DLGAP4: variants seen among roughly 807,000 people sequenced by gnomAD.
DLGAP4 encodes the protein DLG associated protein 4, also known as disks large-associated protein 4.
In DLGAP4, 18 loss-of-function variants were observed where a neutral mutation model predicts 86.9. That is an observed-to-expected ratio of 0.21 (90% CI 0.14 to 0.31). The LOEUF is 0.31. Ranked by LOEUF, DLGAP4 falls within the 10% of genes least tolerant of loss-of-function variation. The probability of loss-of-function intolerance (pLI) is 1.00; values close to 1 mark genes in which losing one functional copy is unlikely to be tolerated. For synonymous variants in DLGAP4, 548 were observed against 574.3 expected (o/e 0.95, Z 0.65); for missense variants, 1,085 against 1,362.6 (o/e 0.80, Z 3.21).
At chr20:36,457,667 C>T (rs2033913744) in intron 7 of DLGAP4, among the ~76,000 whole-genome samples, 1 of 151,942 alleles carries the variant, frequency 6.6e-6, no homozygotes, top group Admixed American at 6.6e-5. Flanking sequence ...AGGCATGAGC[C>T]ACCACGCCCG....
rs781640112 is a variant in DLGAP4 at position 36,439,765 on chromosome 20, G to A, written c.1253G>A (p.Arg418His). Reference protein sequence around the residue: ...EQSNPRRSLDRLDSVDMLLPS... With the variant: ...EQSNPRRSLDHLDSVDMLLPS... ...CCACTCCCCACCAGGAGTCTGGACC[G>A]CCTGGATTCAGTGGACATGCTGCTG... Residue 418 changes from arginine to histidine, a missense_variant, in exon 5 of 13, where the codon CGC (arginine) becomes CAC (histidine). Transcript: ENST00000339266. 3.2e-5 allele frequency: 51 copies of A among 1,613,204 alleles called. No individual in the cohort carries two copies. The highest frequency in any genetic ancestry group is 4.1e-5 in the Non-Finnish European group (48 of 1,179,860).
intron 5 of DLGAP4, among the ~76,000 whole-genome samples, chr20:36,440,874 G>A (rs2033427486): frequency 1.3e-5 from 2 of 152,018 alleles, no homozygotes; most frequent in African/African-American, 4.8e-5. Flanking sequence ...GCCACTGTGT[G>A]CAGGCCCAGG....
chr20:36,466,253 G>T (rs1222597830), intron 7 of DLGAP4, among the ~76,000 whole-genome samples: 3 of 152,196 alleles, frequency 2.0e-5, no homozygotes, highest in Non-Finnish European at 4.4e-5. Context: ...TGTGACCTTG[G>T]ATTAGTCAGC....
intron 1 of DLGAP4, among the ~76,000 whole-genome samples, chr20:36,321,403 G>A (rs981767580): frequency 6.6e-6 from 1 of 152,252 alleles, no homozygotes; most frequent in Admixed American, 6.5e-5. Flanking sequence ...AGGGCTGCGG[G>A]GGAGTTTCCA....
At chr20:36,515,714 T>C (rs1313594227) in intron 10 of DLGAP4, among the ~76,000 whole-genome samples, 1 of 152,232 alleles carries the variant, frequency 6.6e-6, no homozygotes, top group Non-Finnish European at 1.5e-5. Context: ...CGTGAGCCAC[T>C]GAGCCCAGCC....
chr20:36,353,096 C>T (rs1392140376), intron 1 of DLGAP4, among the ~76,000 whole-genome samples: 2 of 152,142 alleles, frequency 1.3e-5, no homozygotes, highest in African/African-American at 4.8e-5. Context: ...CATGGAGATG[C>T]TGGGGCAGCC....
Position 36,461,527 on chromosome 20 carries a change from G to GGCCGCC in DLGAP4, c.1648+14603_1648+14608dup, listed in dbSNP as rs746742747. ...GGGAGGAGGGTGAGTGCCCGCCGCT[G>GGCCGCC]GCCGCCGCCGCCGCCGCCAGTCCGT... is the stretch of plus-strand genomic sequence containing the variant. On this transcript the variant is annotated intron_variant, in intron 7 of 12. Transcript: ENST00000339266. 183 of 982,536 alleles carry GGCCGCC rather than the reference G, an allele frequency of 1.9e-4. 2 individuals are homozygous for GGCCGCC. Among genetic ancestry groups the GGCCGCC allele is most frequent in the Admixed American group, 8.8e-4 (14 of 15,844 alleles). The allele number at this position is 982,536 out of a possible 1,614,324, so 60.9% of individuals were successfully genotyped here.
chr20:36,429,405 T>TC (rs1317474528), intron 2 of DLGAP4, among the ~76,000 whole-genome samples: 4 of 139,402 alleles, frequency 2.9e-5, no homozygotes, highest in East Asian at 2.1e-4. Context: ...TTTCTTTTTT[T>TC]TTTTTTTTTT....
chr20:36,497,134 T>A lies in DLGAP4; in HGVS notation c.2010+68T>A, dbSNP rs1023390873. 32 of 1,520,994 alleles carry A rather than the reference T, an allele frequency of 2.1e-5. No individual in the cohort carries two copies. The African/African-American group carries it at 4.4e-4, about 21-fold the overall frequency. The allele number at this position is 1,520,994 out of a possible 1,614,324, so 94.2% of individuals were successfully genotyped here. ...GCACCTGCCTGTGTGTAATTACATCTGGTAGAGGCCCACTAGGTCTCCTGG... is the reference window on the plus strand; with the variant it reads ...GCACCTGCCTGTGTGTAATTACATCAGGTAGAGGCCCACTAGGTCTCCTGG... On this transcript the variant is annotated intron_variant, in intron 8 of 12. Transcript: ENST00000339266.
chr20:36,493,645 C>G (rs556104504), intron 7 of DLGAP4, among the ~76,000 whole-genome samples: 4 of 152,312 alleles, frequency 2.6e-5, no homozygotes, highest in East Asian at 3.9e-4. Context: ...AGTGAAGGCC[C>G]CAAACACCGG....
chr20:36,391,208 C>T (rs1341089739), intron 2 of DLGAP4, among the ~76,000 whole-genome samples: 1 of 152,130 alleles, frequency 6.6e-6, no homozygotes, highest in African/African-American at 2.4e-5. Flanking sequence ...GACCTATAGC[C>T]GTGGGAGATA....
In DLGAP4 at chr20:36,440,281, A is replaced by G. The variant is rs1308148676; in HGVS notation, c.1356+413A>G. Among the ~76,000 whole-genome samples the G allele has an allele frequency of 2.6e-5, 4 of 152,172 alleles. 1 individual carries two copies. The East Asian group carries it at 7.8e-4, about 29-fold the overall frequency. ...TTACCAGAGGAGGGTGAGCATTTCT[A>G]TCTGGGGGCTGTTGAGAGGAATAAG... On this transcript the variant is annotated intron_variant, in intron 5 of 12. Transcript: ENST00000339266.
At chr20:36,463,238 T>C (rs1312123782) in intron 7 of DLGAP4, among the ~76,000 whole-genome samples, 1 of 152,222 alleles carries the variant, frequency 6.6e-6, no homozygotes, top group East Asian at 1.9e-4. Context: ...GTTGTAACCT[T>C]GAGCGAGACC....
chr20:36,513,409 G>T (rs192079933), intron 10 of DLGAP4, among the ~76,000 whole-genome samples: 1 of 150,622 alleles, frequency 6.6e-6, no homozygotes, highest in East Asian at 2.0e-4. Flanking sequence ...TTAGCCGGGC[G>T]CGGTGGCGGG....
chr20:36,499,471 C>T (rs1354089155), intron 8 of DLGAP4, 117 bp from the exon 9 acceptor site: 1 of 1,357,978 alleles, frequency 7.4e-7, no homozygotes, highest in Non-Finnish European at 1.0e-6. Context: ...TCGTGTCTGT[C>T]TGTCCACACG....
chr20:36,315,716 C>T (rs2147337132), intron 1 of DLGAP4, among the ~76,000 whole-genome samples: 1 of 152,202 alleles, frequency 6.6e-6, no homozygotes, highest in African/African-American at 2.4e-5. Flanking sequence ...TGGGTGCATC[C>T]CACTGAAAGA....
chr20:36,424,792 G>A (rs888210493), intron 2 of DLGAP4, among the ~76,000 whole-genome samples: 1 of 150,238 alleles, frequency 6.7e-6, no homozygotes, highest in Non-Finnish European at 1.5e-5. Flanking sequence ...CTGGAGTGCA[G>A]TGGCACAATC....
chr20:36,522,246 C>T (rs920302329), intron 10 of DLGAP4, among the ~76,000 whole-genome samples: 1 of 152,058 alleles, frequency 6.6e-6, no homozygotes, highest in Non-Finnish European at 1.5e-5. Context: ...CCTTGAAACC[C>T]TGGGTTCAAA....
At chr20:36,424,275 G>T (rs1248512064) in intron 2 of DLGAP4, among the ~76,000 whole-genome samples, 1 of 152,124 alleles carries the variant, frequency 6.6e-6, no homozygotes, top group African/African-American at 2.4e-5. Flanking sequence ...GGCCCTTTAG[G>T]GTTGTTCTGA....
Sources: allele counts gnomAD v4.1 joint callset (sites outside exome capture counted in the v4.1 genomes callset), GRCh38; gene constraint gnomAD v4.1.1; transcripts MANE v1.5; gene names NCBI Gene and HGNC (gene_info 2026-07-23, HGNC 2026-07-21).